The following SH3RF3 variants were observed in gnomAD, a reference collection of about 807,000 sequenced individuals.
SH3RF3 encodes the protein E3 ubiquitin-protein ligase SH3RF3.
In SH3RF3, 29 loss-of-function variants were observed where a neutral mutation model predicts 66.3. That is an observed-to-expected ratio of 0.44 (90% CI 0.33 to 0.60). The LOEUF (loss-of-function observed/expected upper bound fraction) is 0.60, where lower values mean the gene tolerates loss of function less well. Ranked by LOEUF, SH3RF3 falls within the 20% of genes least tolerant of loss-of-function variation. The pLI is 0.04. For missense variants in SH3RF3, 1,194 were observed against 1,190.9 expected, an observed-to-expected ratio of 1.00 and a Z score of -0.04; for synonymous variants, 583 against 532.0, an observed-to-expected ratio of 1.10 and a Z score of -1.32.
chr2:109,473,012 G>A (rs1477885134), intron 8 of SH3RF3, among the ~76,000 whole-genome samples: 1 of 152,220 alleles, frequency 6.6e-6, no homozygotes, highest in Non-Finnish European at 1.5e-5. Context: ...TTAGTGAAAA[G>A]ATAATGTGTT....
At chr2:109,256,500 A>C (rs557046006) in intron 1 of SH3RF3, among the ~76,000 whole-genome samples, 1 of 152,278 alleles carries the variant, frequency 6.6e-6, no homozygotes, top group East Asian at 1.9e-4. Flanking sequence ...ATCAGTCACA[A>C]ACACTTACCA....
chr2:109,226,659 G>A (rs993931106), intron 1 of SH3RF3, among the ~76,000 whole-genome samples: 8 of 151,998 alleles, frequency 5.3e-5, no homozygotes, highest in South Asian at 2.1e-4. Flanking sequence ...GACTTCTCCC[G>A]GGGCCATGCA....
intron 4 of SH3RF3, among the ~76,000 whole-genome samples, chr2:109,408,782 A>C (rs186051407): frequency 3.3e-5 from 5 of 152,254 alleles, no homozygotes; most frequent in Non-Finnish European, 5.9e-5. Context: ...ATGGATGCAC[A>C]GTTGGATGTG....
chr2:109,178,682 A>G (rs545013034), intron 1 of SH3RF3, among the ~76,000 whole-genome samples: 23 of 152,274 alleles, frequency 1.5e-4, no homozygotes, highest in African/African-American at 5.5e-4. Flanking sequence ...CCAGGAATTC[A>G]CTTTGTCAAA....
intron 7 of SH3RF3, among the ~76,000 whole-genome samples, chr2:109,448,159 C>T (rs999785144): frequency 1.9e-4 from 29 of 152,180 alleles, no homozygotes; most frequent in Non-Finnish European, 1.0e-4. Context: ...CAAGCTTGGT[C>T]GGCTTGCATG....
At chr2:109,365,912 A>G (rs1039986052) in intron 2 of SH3RF3, among the ~76,000 whole-genome samples, 1 of 152,238 alleles carries the variant, frequency 6.6e-6, no homozygotes, top group South Asian at 2.1e-4. Flanking sequence ...TGGTTTTTCA[A>G]CATTTAAAAA....
intron 1 of SH3RF3, among the ~76,000 whole-genome samples, chr2:109,139,682 C>T (rs952179995): frequency 2.0e-5 from 3 of 152,112 alleles, no homozygotes. Flanking sequence ...TTGTTGTCCC[C>T]AGCATATCAA....
intron 1 of SH3RF3, among the ~76,000 whole-genome samples, chr2:109,300,274 G>A (rs1216174268): frequency 1.3e-5 from 2 of 152,080 alleles, no homozygotes; most frequent in Admixed American, 1.3e-4. Context: ...CCACCTCCAG[G>A]GTTCAAGCAG....
intron 8 of SH3RF3, among the ~76,000 whole-genome samples, chr2:109,453,959 C>A (rs1163412142): frequency 6.6e-6 from 1 of 152,192 alleles, no homozygotes; most frequent in Non-Finnish European, 1.5e-5. Flanking sequence ...CCTGGGAGGG[C>A]CTCGTTGCCA....
chr2:109,198,721 A>G (rs1192357468), intron 1 of SH3RF3, among the ~76,000 whole-genome samples: 1 of 152,176 alleles, frequency 6.6e-6, no homozygotes, highest in Non-Finnish European at 1.5e-5. Flanking sequence ...CCATTCGTGA[A>G]GGTTCCACCC....
intron 1 of SH3RF3, among the ~76,000 whole-genome samples, chr2:109,195,425 C>T (rs1470767352): frequency 2.0e-5 from 3 of 152,246 alleles, no homozygotes; most frequent in Non-Finnish European, 4.4e-5. Flanking sequence ...CCAGCGTCTG[C>T]CACTCATGCC....
At chr2:109,171,243 A>G (rs1677775989) in intron 1 of SH3RF3, among the ~76,000 whole-genome samples, 1 of 152,194 alleles carries the variant, frequency 6.6e-6, no homozygotes, top group South Asian at 2.1e-4. Context: ...GTATTTGCTT[A>G]CATGTATTTG....
At chr2:109,404,430 C>G (rs979299354) in intron 4 of SH3RF3, among the ~76,000 whole-genome samples, 44 of 152,158 alleles carry the variant, frequency 2.9e-4, no homozygotes, top group Non-Finnish European at 5.3e-4. Context: ...GCTACAAGTT[C>G]GAGACTGGGA....
intron 2 of SH3RF3, among the ~76,000 whole-genome samples, chr2:109,357,403 G>A (rs1050281275): frequency 1.2e-4 from 18 of 152,102 alleles, no homozygotes; most frequent in South Asian, 2.1e-4. Flanking sequence ...GGATGGTCTC[G>A]ATCTCCTGAC....
At chr2:109,169,239 G>A (rs578195492) in intron 1 of SH3RF3, among the ~76,000 whole-genome samples, 1 of 152,320 alleles carries the variant, frequency 6.6e-6, no homozygotes, top group South Asian at 2.1e-4. Flanking sequence ...TTGTCTCTAA[G>A]CATTTAAAAT....
chr2:109,245,585 T>C (rs760173553), intron 1 of SH3RF3, among the ~76,000 whole-genome samples: 35 of 152,244 alleles, frequency 2.3e-4, no homozygotes, highest in Non-Finnish European at 4.1e-4. Flanking sequence ...TTATAGGAAC[T>C]TGGGCTTTGA....
chr2:109,471,473 C>T (rs546441971), intron 8 of SH3RF3, among the ~76,000 whole-genome samples: 13 of 152,286 alleles, frequency 8.5e-5, no homozygotes, highest in East Asian at 3.9e-4. Context: ...AAACTGCCCC[C>T]GTGATCTAGT....
At chr2:109,236,019 A>G (rs1021210226) in intron 1 of SH3RF3, among the ~76,000 whole-genome samples, 1 of 151,884 alleles carries the variant, frequency 6.6e-6, no homozygotes, top group African/African-American at 2.4e-5. Flanking sequence ...TTGACCTATT[A>G]TAATATGCAT....
rs147051750 is a variant in SH3RF3 at position 109,427,989 on chromosome 2, G to A, written c.1404-4512G>A. Among the ~76,000 whole-genome samples, 190 of 152,360 alleles carry A rather than the reference G, an allele frequency of 1.2e-3. 2 individuals carry two copies. Among genetic ancestry groups the A allele is most frequent in the Admixed American group, 6.1e-3 (93 of 15,310 alleles). ...AGCTCCTGGTCGCCTCTGAGCTCCT[G>A]AGCCTGCTTCAGCCCTTCCACAGGA... On this transcript the variant is annotated intron_variant, in intron 5 of 9. Coordinates refer to ENST00000309415, the MANE Select transcript of SH3RF3 (RefSeq NM_001099289.3).
Sources: gnomAD v4.1 joint callset for allele counts (sites outside exome capture counted in the v4.1 genomes callset) on GRCh38, gnomAD v4.1.1 for gene constraint, MANE v1.5 for transcripts, NCBI Gene and HGNC (gene_info 2026-07-23, HGNC 2026-07-21) for gene names.